The following ANKRD27 variants were observed in gnomAD, a reference collection of about 807,000 sequenced individuals.
ANKRD27 encodes ankyrin repeat domain 27.
A neutral mutation model predicts 129.7 loss-of-function variants in ANKRD27; 112 were observed. That is an observed-to-expected ratio of 0.86 (90% CI 0.74 to 1.01). ANKRD27 has a LOEUF of 1.01. ANKRD27 is among the 50% of genes least tolerant of loss of function. The pLI is 0.00. For synonymous variants in ANKRD27, 516 were observed against 511.2 expected (o/e 1.01, Z -0.13); for missense variants, 1,258 against 1,300.5 (o/e 0.97, Z 0.50).
chr19:32,622,605 C>G lies in ANKRD27; in HGVS notation c.1644G>C (p.Leu548=). 6.2e-7 allele frequency: 1 copy of G among 1,613,654 alleles called. No homozygotes were observed. Among genetic ancestry groups the G allele is most frequent in the Non-Finnish European group, 8.5e-7 (1 of 1,180,002 alleles). The stretch of plus-strand genomic sequence containing the variant: ...TGCACGACTCCACGTCGTAGTAAAC[C>G]AGAGCCTTCACACACTGCAAAGAGA... The part of the protein sequence containing the change: ...TYGHEDCVKA[L]VYYDVESCRL... Residue 548 remains leucine (L), a synonymous_variant, in exon 18 of 29, where the codon CTG becomes CTC. Transcript: ENST00000306065.
chr19:32,631,748 T>C (rs544204044), intron 12 of ANKRD27, among the ~76,000 whole-genome samples: 31 of 152,318 alleles, frequency 2.0e-4, no homozygotes, highest in Non-Finnish European at 3.8e-4. Context: ...TGCGTGTATA[T>C]GTGGAATGTG....
chr19:32,640,243 G>C, intron 11 of ANKRD27, 64 bp downstream of exon 11: 3 of 1,374,598 alleles, frequency 2.2e-6, no homozygotes, highest in Non-Finnish European at 3.1e-6. Flanking sequence ...GATTACAGGC[G>C]TGAGCCACCG....
intron 27 of ANKRD27, 56 bp from the exon 28 acceptor site, chr19:32,599,832 G>T: frequency 1.9e-6 from 3 of 1,586,688 alleles, no homozygotes; most frequent in Non-Finnish European, 2.6e-6. Flanking sequence ...GAAACACTCT[G>T]GTTGGCCACA....
At chr19:32,640,455 T>G in intron 10 of ANKRD27, 70 bp from the exon 11 acceptor site, 1 of 1,302,106 alleles carries the variant, frequency 7.7e-7, no homozygotes, top group Non-Finnish European at 1.1e-6. Flanking sequence ...ATCAACTCCC[T>G]ACCACCGCAC....
At chr19:32,633,261 C>A (rs546956809) in intron 12 of ANKRD27, among the ~76,000 whole-genome samples, 1 of 151,308 alleles carries the variant, frequency 6.6e-6, no homozygotes, top group Non-Finnish European at 1.5e-5. Flanking sequence ...AACCCAGTAA[C>A]GTAAGGAAGG....
intron 9 of ANKRD27, 78 bp from the exon 10 acceptor site, chr19:32,642,223 AG>A: frequency 1.6e-6 from 2 of 1,285,296 alleles, no homozygotes; most frequent in South Asian, 2.1e-5. Context: ...AACACATCTC[AG>A]GATCTACACT....
At chr19:32,606,784 A>G (rs1307648552) in intron 23 of ANKRD27, among the ~76,000 whole-genome samples, 1 of 151,884 alleles carries the variant, frequency 6.6e-6, no homozygotes, top group South Asian at 2.1e-4. Flanking sequence ...AAGGAAAATG[A>G]AAAAATATAC....
chr19:32,627,600 G>A (rs1966911971), intron 15 of ANKRD27, among the ~76,000 whole-genome samples: 2 of 152,022 alleles, frequency 1.3e-5, no homozygotes, highest in African/African-American at 4.8e-5. Flanking sequence ...GTTTCTCCAT[G>A]TCGGCCAGGT....
chr19:32,605,978 C>T, intron 23 of ANKRD27, 24 bp from the exon 24 acceptor site: 5 of 1,574,540 alleles, frequency 3.2e-6, no homozygotes, highest in South Asian at 1.2e-5. Context: ...GGAAAACGTG[C>T]AAACTTAATC....
At chr19:32,601,000 T>G (rs1166622177) in intron 26 of ANKRD27, among the ~76,000 whole-genome samples, 1 of 151,976 alleles carries the variant, frequency 6.6e-6, no homozygotes, top group Admixed American at 6.6e-5. Flanking sequence ...ACGTACAAAC[T>G]TAAAAAAAAA....
chr19:32,620,492 C>T (rs1971992218), intron 18 of ANKRD27, among the ~76,000 whole-genome samples: 1 of 151,204 alleles, frequency 6.6e-6, no homozygotes, highest in South Asian at 2.1e-4. Flanking sequence ...TTGCTTGAAC[C>T]TGGGAGGTGG....
In ANKRD27 at chr19:32,671,641, G is replaced by T. The variant is rs540774882; in HGVS notation, c.-31+3430C>A. On this transcript the variant is annotated intron_variant, in intron 1 of 28. Coordinates refer to ENST00000306065, the MANE Select transcript of ANKRD27 (RefSeq NM_032139.3). ...ACCTGGGAGGTGGAGGTTGCAGTGA[G>T]CCGAGATCGGGCCACTGCACTCCAG... Among the ~76,000 whole-genome samples the T allele has an allele frequency of 5.2e-4, 79 of 152,332 alleles. 1 individual carries two copies. The Middle Eastern group carries it at 0.01, about 20-fold the overall frequency.
chr19:32,653,861 G>A (rs1005427536), intron 2 of ANKRD27, among the ~76,000 whole-genome samples: 3 of 152,306 alleles, frequency 2.0e-5, no homozygotes, highest in African/African-American at 4.8e-5. Context: ...AGGGAGAAGC[G>A]TGGTGCGGTT....
chr19:32,640,312 A>C lies in ANKRD27; in HGVS notation c.978T>G (p.Pro326=), dbSNP rs1285795522. 1.2e-6 allele frequency: 2 copies of C among 1,613,218 alleles called. No individual in the cohort carries two copies. The highest frequency in any genetic ancestry group is 1.7e-6 in the Non-Finnish European group (2 of 1,179,240). ...LLYLLVKTEI[P]NWMANLSYIK... is the part of the protein sequence containing the mutation. ...ATCTTAAAAGAAAATGTTACCAATTAGGGATCTCCGTTTTCACAAGCAAGT... is the reference window on the plus strand; with the variant it reads ...ATCTTAAAAGAAAATGTTACCAATTCGGGATCTCCGTTTTCACAAGCAAGT... The change falls in exon 11 of 29, where the codon CCT becomes CCG. Residue 326 remains proline (P), a synonymous_variant. Coordinates refer to ENST00000306065, the MANE Select transcript of ANKRD27 (RefSeq NM_032139.3).
chr19:32,650,342 A>G (rs1039758385), intron 2 of ANKRD27, among the ~76,000 whole-genome samples: 1 of 152,210 alleles, frequency 6.6e-6, no homozygotes, highest in Non-Finnish European at 1.5e-5. Context: ...ACTTGAGGTC[A>G]GGAGTTTGAG....
chr19:32,598,466 A>C (rs1030888987), intron 28 of ANKRD27, 88 bp from the exon 29 acceptor site: 1 of 1,225,286 alleles, frequency 8.2e-7, no homozygotes, highest in Admixed American at 1.8e-5. Context: ...CTTAGTGCCT[A>C]GTGTCACATA....
At chr19:32,646,651 G>A (rs374318933) in intron 3 of ANKRD27, 36 bp from the exon 4 acceptor site, 337 of 1,598,962 alleles carry the variant, frequency 2.1e-4, no homozygotes, top group Non-Finnish European at 2.7e-4. Context: ...ACCAGCAGCC[G>A]GGGCAACCAC....
chr19:32,615,756 C>G lies in ANKRD27; in HGVS notation c.2077G>C (p.Glu693Gln), dbSNP rs774321650. The change falls in exon 22 of 29, where the codon GAG becomes CAG. Residue 693 changes from glutamate to glutamine, a missense_variant. Physicochemically the swap from Glu to Gln is conservative, Grantham distance 29 (BLOSUM62 2). Transcript: ENST00000306065. The part of the protein sequence containing the change: ...EMVRYLLEWT[E>Q]EDLEDAEDTV... ...TCCTCCGCATCCTCCAGGTCCTCCT[C>G]TGTCCATTCCAACAGGTAACGCACC... 6 of 1,613,932 alleles carry G rather than the reference C, an allele frequency of 3.7e-6. No homozygotes were observed. The highest frequency in any genetic ancestry group is 5.1e-6 in the Non-Finnish European group (6 of 1,179,912).
At position 32,650,032 on chromosome 19, in the gene ANKRD27, G is replaced by A. The variant is rs1158506547; in HGVS notation, c.103-240C>T. Among the ~76,000 whole-genome samples the A allele has an allele frequency of 2.0e-5, 3 of 152,154 alleles. No homozygotes were observed. The East Asian group carries it at 5.8e-4, about 29-fold the overall frequency. ...CCTCACCCCACCACAGGCAGAGGGA[G>A]GAGGCGAACAGTACAAATCCTTCTC... On this transcript the variant is annotated intron_variant, in intron 2 of 28. Transcript: ENST00000306065.
Sources: gnomAD v4.1 joint callset for allele counts (sites outside exome capture counted in the v4.1 genomes callset) on GRCh38, gnomAD v4.1.1 for gene constraint, MANE v1.5 for transcripts, NCBI Gene and HGNC (gene_info 2026-07-23, HGNC 2026-07-21) for gene names.